NPAS3: variants seen among roughly 807,000 people sequenced by gnomAD.
The protein encoded by NPAS3 is neuronal PAS domain-containing protein 3.
Under a neutral mutation model 73.1 loss-of-function variants are expected in NPAS3, and 14 were observed. That is an observed-to-expected ratio of 0.19 (90% CI 0.13 to 0.30). The LOEUF (loss-of-function observed/expected upper bound fraction) is 0.30, where lower values mean the gene tolerates loss of function less well. Ranked by LOEUF, NPAS3 falls within the 10% of genes least tolerant of loss-of-function variation. The pLI is 1.00. For missense variants in NPAS3, 1,096 were observed against 1,250.0 expected (o/e 0.88, Z 1.86); for synonymous variants, 620 against 541.5 (o/e 1.14, Z -2.01).
intron 2 of NPAS3, among the ~76,000 whole-genome samples, chr14:33,202,504 T>C (rs2046656322): frequency 6.6e-6 from 1 of 152,138 alleles, no homozygotes; most frequent in African/African-American, 2.4e-5. Context: ...CAGATTTTTA[T>C]GAGAGGACTA....
rs181655122 is a variant in NPAS3, at chr14:33,093,959, G to T, written c.140+37965G>T. ...ATGGGAAGGGGAACATCACACACCG[G>T]GGCCTGTTGTGGGGTGGGGGAAGGG... On this transcript the variant is annotated intron_variant, in intron 2 of 11. Coordinates refer to ENST00000356141, the Ensembl canonical transcript of NPAS3. Among the ~76,000 whole-genome samples the T allele has an allele frequency of 3.1e-3, 471 of 152,140 alleles. 3 individuals carry two copies. Among genetic ancestry groups the T allele is most frequent in the African/African-American group, 0.011 (451 of 41,506 alleles).
chr14:32,947,467 A>T (rs181979062), intron 1 of NPAS3, among the ~76,000 whole-genome samples: 150 of 152,216 alleles, frequency 9.9e-4, no homozygotes, highest in Non-Finnish European at 1.3e-3. Context: ...TACAAATATA[A>T]TTTATTCATC....
rs138272539 is a variant in NPAS3, at chr14:33,294,176, G to T, written c.386-73010G>T. 4.5e-3 allele frequency among the ~76,000 whole-genome samples: 689 copies of T among 152,242 alleles called. 5 individuals carry two copies. The highest frequency in any genetic ancestry group is 0.016 in the African/African-American group (656 of 41,550). On this transcript the variant is annotated intron_variant, in intron 3 of 11. Coordinates refer to ENST00000356141, the Ensembl canonical transcript of NPAS3. ...ATTGCATTTAAGCTATAGCCTAGAC[G>T]TATTACCTTGAAGCCATGGTCTTCC...
At chr14:33,257,935 A>G (rs1457096417) in intron 3 of NPAS3, among the ~76,000 whole-genome samples, 1 of 152,212 alleles carries the variant, frequency 6.6e-6, no homozygotes, top group African/African-American at 2.4e-5. Context: ...GGGTGGTATG[A>G]TAGAAAGATT....
intron 3 of NPAS3, among the ~76,000 whole-genome samples, chr14:33,336,127 A>T (rs2044215753): frequency 6.6e-6 from 1 of 152,166 alleles, no homozygotes; most frequent in South Asian, 2.1e-4. Flanking sequence ...GTGTACTGTT[A>T]TCTCATTATG....
intron 3 of NPAS3, among the ~76,000 whole-genome samples, chr14:33,363,887 A>G (rs192175922): frequency 6.7e-6 from 1 of 150,012 alleles, no homozygotes; most frequent in African/African-American, 2.5e-5. Flanking sequence ...TTCACAGACA[A>G]GTGGTTGCAC....
At chr14:33,367,147 C>G (rs1212190100) in intron 3 of NPAS3, 39 bp from the exon 4 acceptor site, 2 of 804,568 alleles carry the variant, frequency 2.5e-6, no homozygotes, top group African/African-American at 1.7e-5. Flanking sequence ...AGAGCTCCAA[C>G]TTAATTGTTC....
chr14:33,545,577 A>G lies in NPAS3; in HGVS notation c.469-14544A>G, dbSNP rs553093675. On this transcript the variant is annotated intron_variant, in intron 4 of 11. Coordinates refer to ENST00000356141, the Ensembl canonical transcript of NPAS3. ...AAGCTCGTGTGTCCTTTTGCATTACAGCCTGCTGCCTCTTGAAATGTTTGA... is the reference window on the plus strand; with the variant it reads ...AAGCTCGTGTGTCCTTTTGCATTACGGCCTGCTGCCTCTTGAAATGTTTGA... 2.0e-5 allele frequency among the ~76,000 whole-genome samples: 3 copies of G among 152,360 alleles called. No individual in the cohort carries two copies. The East Asian group carries it at 5.8e-4, about 29-fold the overall frequency.
intron 2 of NPAS3, among the ~76,000 whole-genome samples, chr14:33,101,313 G>A (rs2042569920): frequency 6.6e-6 from 1 of 152,216 alleles, no homozygotes; most frequent in South Asian, 2.1e-4. Flanking sequence ...TTTAAAAAGG[G>A]AAGTTATAAA....
intron 3 of NPAS3, among the ~76,000 whole-genome samples, chr14:33,222,251 G>A (rs1354132955): frequency 1.3e-5 from 2 of 152,134 alleles, no homozygotes; most frequent in South Asian, 2.1e-4. Context: ...TTGCTTTGGG[G>A]TACAGCAGTT....
chr14:33,527,460 G>C (rs1406286033), intron 4 of NPAS3, among the ~76,000 whole-genome samples: 1 of 152,162 alleles, frequency 6.6e-6, no homozygotes, highest in African/African-American at 2.4e-5. Context: ...GTTTCTCAGA[G>C]ATGTAGTCAT....
intron 3 of NPAS3, among the ~76,000 whole-genome samples, chr14:33,342,598 A>T (rs2044538279): frequency 6.6e-6 from 1 of 152,190 alleles, no homozygotes; most frequent in South Asian, 2.1e-4. Context: ...TTTTAACTTG[A>T]TAAGCCTGTG....
chr14:32,957,402 C>T (rs571991541), intron 1 of NPAS3, among the ~76,000 whole-genome samples: 29 of 144,458 alleles, frequency 2.0e-4, no homozygotes, highest in South Asian at 6.6e-4. Context: ...AATGGAGTCT[C>T]GCTCTGTGGC....
At chr14:33,163,811 T>A (rs1566627629) in intron 2 of NPAS3, among the ~76,000 whole-genome samples, 1 of 152,178 alleles carries the variant, frequency 6.6e-6, no homozygotes, top group Non-Finnish European at 1.5e-5. Flanking sequence ...AGGCCGAATG[T>A]GCCAGGTATT....
At chr14:33,318,289 T>C (rs1381752809) in intron 3 of NPAS3, among the ~76,000 whole-genome samples, 3 of 151,764 alleles carry the variant, frequency 2.0e-5, no homozygotes, top group Admixed American at 6.6e-5. Flanking sequence ...GGACTTAGAG[T>C]AGTCAGATTT....
intron 3 of NPAS3, among the ~76,000 whole-genome samples, chr14:33,360,889 T>A (rs2140389621): frequency 6.6e-6 from 1 of 152,170 alleles, no homozygotes; most frequent in South Asian, 2.1e-4. Flanking sequence ...TTTCCTGAGG[T>A]TCTGTCCTCC....
chr14:33,678,289 A>G (rs2059825961), intron 6 of NPAS3, among the ~76,000 whole-genome samples: 1 of 152,042 alleles, frequency 6.6e-6, no homozygotes, highest in Admixed American at 6.5e-5. Flanking sequence ...ATGGAGCCCA[A>G]ATCTGCTTCG....
intron 6 of NPAS3, among the ~76,000 whole-genome samples, chr14:33,716,543 T>C (rs2060962170): frequency 6.6e-6 from 1 of 152,168 alleles, no homozygotes; most frequent in Non-Finnish European, 1.5e-5. Context: ...ACATTCACAT[T>C]GTTGTGCAAC....
At chr14:33,600,958 TG>T (rs1411595621) in intron 5 of NPAS3, among the ~76,000 whole-genome samples, 4 of 152,152 alleles carry the variant, frequency 2.6e-5, no homozygotes, top group Non-Finnish European at 5.9e-5. Context: ...CACTGCATTC[TG>T]GGGTAAGCAG....
Sources: gnomAD v4.1 joint callset for allele counts (sites outside exome capture counted in the v4.1 genomes callset) on GRCh38, gnomAD v4.1.1 for gene constraint, MANE v1.5 for transcripts, NCBI Gene and HGNC (gene_info 2026-07-23, HGNC 2026-07-21) for gene names.